The following ENG variants were observed in gnomAD, a reference collection of about 807,000 sequenced individuals.
ENG encodes the protein CD105 antigen.
In ENG, 17 loss-of-function variants were observed where a neutral mutation model predicts 71.0. The observed-to-expected ratio is 0.24, with a 90% CI of 0.16 to 0.36. ENG has a LOEUF of 0.36. ENG is among the 10% of genes least tolerant of loss of function. ENG has a pLI of 1.00. For missense variants in ENG, 749 were observed against 868.3 expected (o/e 0.86, Z 1.73); for synonymous variants, 360 against 366.9 (o/e 0.98, Z 0.21).
chr9:127,825,476 A>G (rs1489468307), intron 5 of ENG, 119 bp from the exon 6 acceptor site: 1 of 1,457,466 alleles, frequency 6.9e-7, no homozygotes, highest in African/African-American at 1.4e-5. Context: ...TTTATGGGAT[A>G]GGGATGGGAC....
intron 7 of ENG, 66 bp from the exon 8 acceptor site, chr9:127,824,512 C>CTTTTTTT (rs71380096): frequency 6.6e-5 from 45 of 685,744 alleles, no homozygotes; most frequent in South Asian, 2.4e-4. Flanking sequence ...CCGCACCAGG[C>CTTTTTTT]TTTTTTTTTT....
Position 127,825,280 on chromosome 9 carries a change from G to A in ENG, c.767C>T (p.Pro256Leu). The change falls in exon 6 of 15, where the codon CCC becomes CTC. Residue 256 changes from proline (P) to leucine (L), a missense_variant. Transcript: ENST00000373203. ...DLDAVLILQGPPYVSWLIDAN... is the reference protein window; with the variant it reads ...DLDAVLILQGLPYVSWLIDAN... ...GTCGATGAGCCAGGACACGTAGGGG[G>A]GACCCTGCAGGATGAGGACGGCATC... The A allele has an allele frequency of 6.2e-7, 1 of 1,612,146 alleles. No homozygotes were observed. Among genetic ancestry groups the A allele is most frequent in the Non-Finnish European group, 8.5e-7 (1 of 1,179,622 alleles).
rs763112109 is a variant in ENG at position 127,815,684 on chromosome 9, A to G, written c.1975T>C (p.Ter659GlnextTer22). The G allele has an allele frequency of 1.9e-6, 3 of 1,561,432 alleles. No individual in the cohort carries two copies. Among genetic ancestry groups the G allele is most frequent in the East Asian group, 4.7e-5 (2 of 42,732 alleles). Residue 659 changes from the stop codon to glutamine, a stop_lost, in exon 15 of 15, where the codon TAG (stop) becomes CAG (glutamine). Transcript: ENST00000373203. ...TGGGCGAGCGCGGGGGGCCGGGGCT[A>G]TGCCATGCTGCTGGTGGAGCAGGGG... ...STPCSTSSMA[*>Q]
chr9:127,854,433 C>T lies in ENG; in HGVS notation c.-78G>A, dbSNP rs914239466. 16 of 1,477,878 alleles carry T rather than the reference C, an allele frequency of 1.1e-5. No homozygotes were observed. The Admixed American group carries it at 1.2e-4, about 11-fold the overall frequency. The allele number at this position is 1,477,878 out of a possible 1,614,324, so 91.5% of individuals were successfully genotyped here. A position where few individuals can be genotyped will look rare whatever the true frequency, so the allele number is the denominator to read the frequency against. On this transcript the variant is annotated 5_prime_UTR_variant, in exon 1 of 15. Coordinates refer to ENST00000373203, the MANE Select transcript of ENG (RefSeq NM_001114753.3). ...GGCTGCGGGCGGGCACCGGGGCCGG[C>T]GTGGGCTCGCACGGGGACCCGAGGG... is the stretch of plus-strand genomic sequence containing the variant.
At chr9:127,848,227 G>T (rs971381599) in intron 1 of ENG, among the ~76,000 whole-genome samples, 1 of 151,974 alleles carries the variant, frequency 6.6e-6, no homozygotes, top group African/African-American at 2.4e-5. Flanking sequence ...AACACACCTC[G>T]CTCCTGCCTC....
chr9:127,839,408 G>C (rs975977474), intron 2 of ENG, among the ~76,000 whole-genome samples: 5 of 152,202 alleles, frequency 3.3e-5, no homozygotes, highest in African/African-American at 1.2e-4. Context: ...AGTGGTCACA[G>C]CAGTAGGGGC....
chr9:127,815,734 T>C lies in ENG; in HGVS notation c.1925A>G (p.His642Arg), dbSNP rs1226304206. The C allele has an allele frequency of 3.2e-6, 5 of 1,555,878 alleles. No homozygotes were observed. The East Asian group carries it at 9.5e-5, about 30-fold the overall frequency. Residue 642 changes from histidine to arginine, a missense_variant, in exon 15 of 15, where the codon CAC becomes CGC. Transcript: ENST00000373203. The stretch of plus-strand genomic sequence containing the variant: ...GGTGCTCTGGGTGCTCCCGATGCTG[T>C]GGTTGGTGCTGCTGCTCTCCGAGGA... ...PASSESSSTN[H>R]SIGSTQSTPC...
At chr9:127,843,456 C>T (rs1052442762) in intron 1 of ENG, among the ~76,000 whole-genome samples, 2 of 151,646 alleles carry the variant, frequency 1.3e-5, no homozygotes, top group East Asian at 1.9e-4. Context: ...AAGGTCACAG[C>T]GCTACTACGT....
At position 127,825,875 on chromosome 9, in the gene ENG, G is replaced by A. The variant is rs201463582; in HGVS notation, c.524-15C>T. On this transcript the variant is annotated splice_polypyrimidine_tract_variant and intron_variant, in intron 4 of 14. Coordinates refer to ENST00000373203, the MANE Select transcript of ENG (RefSeq NM_001114753.3). ...TGACCCCTGGGCTGCAGAGACACGC[G>A]CACCTCAGTCCCTTCCCTCAGCAGC... is the stretch of plus-strand genomic sequence containing the variant. 1,239 of 1,577,134 alleles carry A rather than the reference G, an allele frequency of 7.9e-4. 11 individuals carry two copies. In the Admixed American group the frequency reaches 0.018, roughly 23 times the overall value.
chr9:127,829,877 G>T, intron 2 of ENG, 50 bp from the exon 3 acceptor site: 2 of 1,611,648 alleles, frequency 1.2e-6, no homozygotes, highest in Non-Finnish European at 1.7e-6. Context: ...ATTTGTATAG[G>T]TTGTGCCACC....
chr9:127,837,599 CA>C (rs1679139166), intron 2 of ENG, among the ~76,000 whole-genome samples: 1 of 152,204 alleles, frequency 6.6e-6, no homozygotes, highest in Non-Finnish European at 1.5e-5. Flanking sequence ...AAGAGCTTGG[CA>C]GAGAACAAAC....
intron 1 of ENG, among the ~76,000 whole-genome samples, chr9:127,849,514 G>C (rs1831242988): frequency 6.6e-6 from 1 of 152,156 alleles, no homozygotes; most frequent in Admixed American, 6.5e-5. Flanking sequence ...GCTAGTGGGT[G>C]GGGAAGAGCG....
At position 127,825,711 on chromosome 9, in the gene ENG, G is replaced by T; in HGVS notation, c.673C>A (p.Pro225Thr). Residue 225 changes from proline (P) to threonine (T), a missense_variant, in exon 5 of 15, where the codon CCG becomes ACG. Pro to Thr is a conservative substitution (Grantham distance 38). Transcript: ENST00000373203. ...GAGCCATACCCGGCCGAGTGGCCCG[G>T]CAGGACCCTCAGGATGTGCGCCTCC... ...HKEAHILRVL[P>T]GHSAGPRTVT... The T allele has an allele frequency of 1.3e-6, 2 of 1,587,894 alleles. No individual in the cohort carries two copies. The highest frequency in any genetic ancestry group is 2.3e-5 in the East Asian group (1 of 44,258).
At position 127,825,701 on chromosome 9, in the gene ENG, G is replaced by T. The variant is rs1452543778; in HGVS notation, c.683C>A (p.Ser228Ter). 6.3e-7 allele frequency: 1 copy of T among 1,582,452 alleles called. No individual in the cohort carries two copies. Among genetic ancestry groups the T allele is most frequent in the East Asian group, 2.3e-5 (1 of 44,194 alleles). ...AHILRVLPGHSAGPRTVTVKV... is the reference protein window; with the variant it reads ...AHILRVLPGH The stretch of plus-strand genomic sequence containing the variant: ...GGCGGGGCGAGAGCCATACCCGGCC[G>T]AGTGGCCCGGCAGGACCCTCAGGAT... The change falls in exon 5 of 15, where the codon TCG becomes TAG. Residue 228 changes from serine (S) to a stop codon, truncating the protein, a stop_gained. Coordinates refer to ENST00000373203, the MANE Select transcript of ENG (RefSeq NM_001114753.3). LOFTEE classifies it high-confidence loss of function.
In ENG at chr9:127,854,381, T is replaced by C; in HGVS notation, c.-26A>G. 1 of 1,569,060 alleles carries C rather than the reference T, an allele frequency of 6.4e-7. No homozygotes were observed. On this transcript the variant is annotated 5_prime_UTR_variant, in exon 1 of 15. Transcript: ENST00000373203. ...GCTGTCCACGTGGGGGCCTGTGCGC[T>C]GGGCCTTATCCTGTGTCCAGTGGCA...
At chr9:127,824,731 T>C in intron 7 of ENG, 69 bp downstream of exon 7, 1 of 1,402,388 alleles carries the variant, frequency 7.1e-7, no homozygotes, top group African/African-American at 1.5e-5. Flanking sequence ...ACAGAGGTGC[T>C]TCACCAACAG....
intron 1 of ENG, among the ~76,000 whole-genome samples, chr9:127,850,025 C>T (rs927728492): frequency 6.6e-6 from 1 of 152,198 alleles, no homozygotes; most frequent in African/African-American, 2.4e-5. Flanking sequence ...TTATCCCACC[C>T]CCACTCCTGC....
At chr9:127,826,489 G>A in intron 4 of ENG, 21 bp downstream of exon 4, 1 of 1,613,940 alleles carries the variant, frequency 6.2e-7, no homozygotes, top group Non-Finnish European at 8.5e-7. Context: ...TGAGCCCAGA[G>A]AGGTTGCTGG....
intron 10 of ENG, 83 bp from the exon 11 acceptor site, chr9:127,818,915 T>A (rs550754896): frequency 4.2e-6 from 5 of 1,179,216 alleles, no homozygotes; most frequent in Non-Finnish European, 6.3e-6. Context: ...ACAGGCATCA[T>A]GGCCCTGTGG....
Sources: gnomAD v4.1 joint callset for allele counts (sites outside exome capture counted in the v4.1 genomes callset) on GRCh38, gnomAD v4.1.1 for gene constraint, MANE v1.5 for transcripts, NCBI Gene and HGNC (gene_info 2026-07-23, HGNC 2026-07-21) for gene names.